ELAVL3: variants seen among roughly 807,000 people sequenced by gnomAD.
ELAVL3 encodes ELAV-like protein 3.
A neutral mutation model predicts 34.2 loss-of-function variants in ELAVL3; 8 were observed. That is an observed-to-expected ratio of 0.23 (90% CI 0.14 to 0.42). The LOEUF is 0.42. Ranked by LOEUF, ELAVL3 falls within the 10% of genes least tolerant of loss-of-function variation. The pLI, the probability that ELAVL3 is intolerant of heterozygous loss-of-function variation, is 1.00. For missense variants in ELAVL3, 273 were observed against 518.8 expected (o/e 0.53, Z 4.60); for synonymous variants, 209 against 222.1 (o/e 0.94, Z 0.53).
chr19:11,472,191 A>G (rs756724038), intron 1 of ELAVL3, among the ~76,000 whole-genome samples: 2 of 152,140 alleles, frequency 1.3e-5, no homozygotes, highest in Non-Finnish European at 2.9e-5. Context: ...TACTAAAATT[A>G]CAAAATTAGC....
chr19:11,472,770 AAGG>A (rs1971190114), intron 1 of ELAVL3, among the ~76,000 whole-genome samples: 3 of 151,980 alleles, frequency 2.0e-5, no homozygotes, highest in South Asian at 4.2e-4. Flanking sequence ...GGAAAAGGAG[AAGG>A]AGAAGAAGAA....
rs1487786708 is a variant in ELAVL3, at chr19:11,458,997, G to C, written c.334-386C>G. Among the ~76,000 whole-genome samples the C allele has an allele frequency of 2.0e-5, 3 of 151,710 alleles. No individual in the cohort carries two copies. Among genetic ancestry groups the C allele is most frequent in the Admixed American group, 2.0e-4 (3 of 15,216 alleles). On this transcript the variant is annotated intron_variant, in intron 3 of 6. Coordinates refer to ENST00000359227, the MANE Select transcript of ELAVL3 (RefSeq NM_001420.4). This position sits in a 1 kb window ranked among gnomAD's most constrained non-coding sequence, Gnocchi z 7.3. Reference sequence around the variant, plus strand: ...GGATCTCACTTTTTTACCCAGGCTGGAATGCAATGGTGTGATCTCAGCTCA... The same window carrying C: ...GGATCTCACTTTTTTACCCAGGCTGCAATGCAATGGTGTGATCTCAGCTCA...
intron 1 of ELAVL3, among the ~76,000 whole-genome samples, chr19:11,475,200 A>G (rs1971240808): frequency 6.6e-6 from 1 of 152,188 alleles, no homozygotes; most frequent in African/African-American, 2.4e-5. Flanking sequence ...AAATACTTTG[A>G]GGCATATTTT....
At chr19:11,476,696 C>T (rs539051136) in intron 1 of ELAVL3, among the ~76,000 whole-genome samples, 142 of 151,952 alleles carry the variant, frequency 9.3e-4, no homozygotes, top group South Asian at 7.3e-3. Flanking sequence ...GTCAGGAGTT[C>T]GAGACCAGCC....
rs1423673057 is a variant in ELAVL3, at chr19:11,480,813, C to T, written c.-205G>A. 2 of 409,954 alleles carry T rather than the reference C, an allele frequency of 4.9e-6. No individual in the cohort carries two copies. Among genetic ancestry groups the T allele is most frequent in the African/African-American group, 2.1e-5 (1 of 48,490 alleles). The allele number at this position is 409,954 out of a possible 1,614,324, so 25.4% of individuals were successfully genotyped here. ...GATGCGCGCGCGGATGGCCGGGCCC[C>T]GGGGTGGCCTGCGGGCGGCAGGGGA... On this transcript the variant is annotated 5_prime_UTR_variant, in exon 1 of 7. Transcript: ENST00000359227. The surrounding 1 kb of genome is among the most constrained non-coding windows in gnomAD (Gnocchi z 6.8).
intron 3 of ELAVL3, among the ~76,000 whole-genome samples, chr19:11,464,414 C>G (rs917192022): frequency 6.6e-6 from 1 of 151,808 alleles, no homozygotes; most frequent in Non-Finnish European, 1.5e-5. Context: ...CCTCCTGCCT[C>G]GGCCTCCCAA....
chr19:11,456,832 C>T (rs1385088964), intron 6 of ELAVL3, among the ~76,000 whole-genome samples: 1 of 151,878 alleles, frequency 6.6e-6, no homozygotes, highest in African/African-American at 2.4e-5. Context: ...TCAGGCTAAT[C>T]CTTAAAAAAA....
Position 11,451,629 on chromosome 19 carries a change from C to A in ELAVL3, c.*2897G>T, listed in dbSNP as rs554385350. On this transcript the variant is annotated 3_prime_UTR_variant, in exon 7 of 7. Coordinates refer to ENST00000359227, the MANE Select transcript of ELAVL3 (RefSeq NM_001420.4). ...GAGCCCCCTCCCCCCTGGCCTGGCC[C>A]CTGCCCCCCAGGGACGTGGAAGCCC... 1 of 151,884 alleles carries A rather than the reference C, an allele frequency of 6.6e-6. No individual in the cohort carries two copies. Among genetic ancestry groups the A allele is most frequent in the Non-Finnish European group, 1.5e-5 (1 of 67,848 alleles). 9.4% of individuals were successfully genotyped at this position (151,884 alleles called of 1,614,324 possible).
intron 6 of ELAVL3, 72 bp downstream of exon 6, chr19:11,457,038 G>A: frequency 4.5e-6 from 6 of 1,342,878 alleles, no homozygotes; most frequent in Middle Eastern, 1.8e-4. Context: ...AGCCCTGGGG[G>A]TGAGCTGGGG....
chr19:11,461,062 C>T (rs1970874064), intron 3 of ELAVL3, among the ~76,000 whole-genome samples: 1 of 151,532 alleles, frequency 6.6e-6, no homozygotes, highest in South Asian at 2.1e-4. Flanking sequence ...ACCTGTGGTC[C>T]CAGCTACTCG....
At chr19:11,467,497 GTTGT>G (rs1357785489) in intron 1 of ELAVL3, among the ~76,000 whole-genome samples, 2 of 151,882 alleles carry the variant, frequency 1.3e-5, no homozygotes, top group African/African-American at 2.4e-5. Flanking sequence ...TTTTGTTGTT[GTTGT>G]TTGTTAGTTG....
rs374586108 is a variant in ELAVL3 at position 11,466,161 on chromosome 19, G to A, written c.333+11C>T. On this transcript the variant is annotated intron_variant, in intron 3 of 6. Transcript: ENST00000359227. The surrounding 1 kb of genome is among the most constrained non-coding windows in gnomAD (Gnocchi z 5.0). ...GGGCGGTCATGGGGGATTGGAGAAG[G>A]AGGCACCAACCTTGATGGTCTTCGT... The A allele has an allele frequency of 1.1e-3, 1,761 of 1,613,092 alleles. No individual in the cohort carries two copies. Among genetic ancestry groups the A allele is most frequent in the Non-Finnish European group, 1.4e-3 (1,593 of 1,179,304 alleles).
At chr19:11,464,218 A>G (rs1191183562) in intron 3 of ELAVL3, among the ~76,000 whole-genome samples, 1 of 56,624 alleles carries the variant, frequency 1.8e-5, no homozygotes, top group Non-Finnish European at 3.4e-5. Context: ...GCTGGAGTGC[A>G]GTGGTGAAAC....
In ELAVL3 at chr19:11,466,925, A is replaced by G. The variant is rs1003738596; in HGVS notation, c.10-98T>C. ...TGGTGATGAATTAGCCATGTCTTAT[A>G]GGGGCTTCGTCATGGGGAGGGGTCA... On this transcript the variant is annotated intron_variant, in intron 1 of 6. Transcript: ENST00000359227. The surrounding 1 kb of genome is among the most constrained non-coding windows in gnomAD (Gnocchi z 5.0). 3 of 985,606 alleles carry G rather than the reference A, an allele frequency of 3.0e-6. No homozygotes were observed. The highest frequency in any genetic ancestry group is 2.7e-4 in the Middle Eastern group (1 of 3,738). The allele number at this position is 985,606 out of a possible 1,614,324, so 61.1% of individuals were successfully genotyped here. A position where few individuals can be genotyped will look rare whatever the true frequency, so the allele number is the denominator to read the frequency against.
rs573968478 is a variant in ELAVL3, at chr19:11,473,161, C to T, written c.10-6334G>A. ...CGTGTGGATCACGAGATCAGGAGAT[C>T]GAGACCATCCTGGCTAACACGGCGA... On this transcript the variant is annotated intron_variant, in intron 1 of 6. Coordinates refer to ENST00000359227, the MANE Select transcript of ELAVL3 (RefSeq NM_001420.4). 5.3e-5 allele frequency among the ~76,000 whole-genome samples: 8 copies of T among 151,792 alleles called. No individual in the cohort carries two copies. In the East Asian group the frequency reaches 1.4e-3, roughly 26 times the overall value.
chr19:11,457,527 G>A (rs934870409), intron 5 of ELAVL3, among the ~76,000 whole-genome samples: 19 of 152,298 alleles, frequency 1.2e-4, no homozygotes, highest in Admixed American at 3.9e-4. Context: ...CCGGCCACCC[G>A]GGGGCCCACA....
In ELAVL3 at chr19:11,454,421, G is replaced by A. The variant is rs1207583404; in HGVS notation, c.*105C>T. 99 of 1,156,920 alleles carry A rather than the reference G, an allele frequency of 8.6e-5. No individual in the cohort carries two copies. The highest frequency in any genetic ancestry group is 1.0e-4 in the Non-Finnish European group (86 of 841,856). 71.7% of individuals were successfully genotyped at this position (1,156,920 alleles called of 1,614,324 possible). On this transcript the variant is annotated 3_prime_UTR_variant, in exon 7 of 7. Transcript: ENST00000359227. This position sits in a 1 kb window ranked among gnomAD's most constrained non-coding sequence, Gnocchi z 9.2. ...GTGGGGCCCTCGCGTCGTCCGTGGG[G>A]CTGCCTGTGCTGTCTCTCTTGGGCC...
At chr19:11,455,785 G>GT (rs1024307327) in intron 6 of ELAVL3, among the ~76,000 whole-genome samples, 14 of 152,124 alleles carry the variant, frequency 9.2e-5, no homozygotes, top group African/African-American at 3.4e-4. Context: ...CCCTGCAAGA[G>GT]TTTGTTCCAG....
rs553231182 is a variant in ELAVL3, at chr19:11,480,479, C to A, written c.9+121G>T. ...AGGCCCCGAGGCTTGGTCCTACCCC[C>A]CCAACCCGGGCCTAGCTAGGCCTGG... On this transcript the variant is annotated intron_variant, in intron 1 of 6. Transcript: ENST00000359227. This position sits in a 1 kb window ranked among gnomAD's most constrained non-coding sequence, Gnocchi z 6.8. 2 of 1,211,052 alleles carry A rather than the reference C, an allele frequency of 1.7e-6. No individual in the cohort carries two copies. The highest frequency in any genetic ancestry group is 4.2e-5 in the South Asian group (2 of 48,160). The allele number at this position is 1,211,052 out of a possible 1,614,324, so 75.0% of individuals were successfully genotyped here. A position where few individuals can be genotyped will look rare whatever the true frequency, so the allele number is the denominator to read the frequency against.
Sources: gnomAD v4.1 joint callset for allele counts (sites outside exome capture counted in the v4.1 genomes callset) on GRCh38, gnomAD v4.1.1 for gene constraint, Gnocchi (gnomAD v3.1) non-coding constraint, MANE v1.5 for transcripts, NCBI Gene and HGNC (gene_info 2026-07-23, HGNC 2026-07-21) for gene names.